Variants in ITGA3 observed in about 807,000 individuals in gnomAD.
ITGA3 encodes integrin alpha-3.
Under a neutral mutation model 131.1 loss-of-function variants are expected in ITGA3, and 70 were observed. The ratio of observed to expected loss-of-function variants is 0.53; its 90% CI spans 0.44 to 0.65. The LOEUF (loss-of-function observed/expected upper bound fraction) is 0.65. ITGA3 is among the 30% of genes least tolerant of loss of function. The pLI is 0.00. For synonymous variants in ITGA3, 537 were observed against 571.6 expected (o/e 0.94, Z 0.86); for missense variants, 1,098 against 1,388.6 (o/e 0.79, Z 3.33).
intron 22 of ITGA3, 136 bp downstream of exon 22, chr17:50,080,511 G>A: frequency 1.8e-6 from 1 of 548,138 alleles, no homozygotes. Context: ...TGTGTGATTT[G>A]CGTGTCTTTG....
chr17:50,079,687 C>G, intron 21 of ITGA3, 130 bp downstream of exon 21: 1 of 1,057,482 alleles, frequency 9.5e-7, no homozygotes, highest in Non-Finnish European at 1.3e-6. Flanking sequence ...TTGGGAGCCT[C>G]CAGACAGAGC....
At chr17:50,081,107 A>T (rs1909165947) in intron 22 of ITGA3, 1 of 553,256 alleles carries the variant, frequency 1.8e-6, no homozygotes, top group African/African-American at 1.9e-5. Context: ...CATCCAGCAC[A>T]GGACCTGACG....
Position 50,068,249 on chromosome 17 carries a change from G to C in ITGA3, c.608G>C (p.Gly203Ala). Residue 203 changes from glycine to alanine, a missense_variant, in exon 4 of 26, where the codon GGT (glycine) becomes GCT (alanine). Around this residue, in one of 3 missense-constraint regions of ITGA3, gnomAD observed 356 missense variants for 529.2 expected, o/e 0.67. Coordinates refer to ENST00000320031, the MANE Select transcript of ITGA3 (RefSeq NM_002204.4). ...ETGMCQLGTS[G>A]GFTQNTVYFG... ...GGCATGTGCCAGCTGGGCACCAGCG[G>C]TGGCTTCACCCAGAACACTGTGTAC... 1.9e-6 allele frequency: 3 copies of C among 1,613,974 alleles called. No homozygotes were observed. The highest frequency in any genetic ancestry group is 1.7e-6 in the Non-Finnish European group (2 of 1,180,038).
chr17:50,088,934 G>A (rs1567707502), intron 25 of ITGA3, among the ~76,000 whole-genome samples, 176 bp from the exon 26 acceptor site: 1 of 151,956 alleles, frequency 6.6e-6, no homozygotes, highest in South Asian at 2.1e-4. Flanking sequence ...TCTTCCTCTG[G>A]GGCCTGGGGT....
At chr17:50,057,371 T>G (rs995939258) in intron 1 of ITGA3, among the ~76,000 whole-genome samples, 1 of 152,358 alleles carries the variant, frequency 6.6e-6, no homozygotes, top group Non-Finnish European at 1.5e-5. Context: ...TTGTTTTGGT[T>G]TGAAGAGGGA....
At chr17:50,085,971 A>G (rs1254073535) in intron 23 of ITGA3, among the ~76,000 whole-genome samples, 1 of 43,776 alleles carries the variant, frequency 2.3e-5, no homozygotes, top group African/African-American at 8.8e-5. Context: ...GATTATACAT[A>G]TTATAGATTT....
At chr17:50,086,507 G>C (rs1909438675) in intron 23 of ITGA3, 1 of 150,134 alleles carries the variant, frequency 6.7e-6, no homozygotes, top group Non-Finnish European at 1.5e-5. Context: ...TGGCCAACAT[G>C]GTGAAACCCT....
At chr17:50,069,721 C>T (rs936212092) in intron 4 of ITGA3, among the ~76,000 whole-genome samples, 4 of 152,206 alleles carry the variant, frequency 2.6e-5, no homozygotes, top group African/African-American at 7.2e-5. Flanking sequence ...AAGTCATGGG[C>T]ACTTTTTCAT....
chr17:50,078,379 C>T (rs930195100), intron 18 of ITGA3, 95 bp downstream of exon 18: 3 of 995,564 alleles, frequency 3.0e-6, no homozygotes, highest in East Asian at 4.8e-5. Context: ...TCTGACCCCT[C>T]TCTTGGCCCA....
At position 50,056,707 on chromosome 17, in the gene ITGA3, C is replaced by A; in HGVS notation, c.206+62C>A. 2 of 1,506,526 alleles carry A rather than the reference C, an allele frequency of 1.3e-6. No homozygotes were observed. The highest frequency in any genetic ancestry group is 2.5e-5 in the South Asian group (2 of 80,162). 93.3% of individuals were successfully genotyped at this position (1,506,526 alleles called of 1,614,324 possible). A position where few individuals can be genotyped will look rare whatever the true frequency, so the allele number is the denominator to read the frequency against. ...GAGTGTGCGAGCGCGGGATGCGGGT[C>A]CGGAGCTGAGTCGGAGCCCAGGGCA... On this transcript the variant is annotated intron_variant, in intron 1 of 25. Transcript: ENST00000320031. The surrounding 1 kb of genome is among the most constrained non-coding windows in gnomAD (Gnocchi z 5.6).
At position 50,064,737 on chromosome 17, in the gene ITGA3, C is replaced by G; in HGVS notation, c.414+130C>G. Reference sequence around the variant, plus strand: ...TGTGCTGGGGCCTGCACACATGTCCCTTCCTGTGGCTGTGTGTCCCTCGCT... The same window carrying G: ...TGTGCTGGGGCCTGCACACATGTCCGTTCCTGTGGCTGTGTGTCCCTCGCT... On this transcript the variant is annotated intron_variant, in intron 3 of 25. Coordinates refer to ENST00000320031, the MANE Select transcript of ITGA3 (RefSeq NM_002204.4). This position sits in a 1 kb window ranked among gnomAD's most constrained non-coding sequence, Gnocchi z 4.4. 1 of 665,496 alleles carries G rather than the reference C, an allele frequency of 1.5e-6. No homozygotes were observed. The highest frequency in any genetic ancestry group is 2.8e-5 in the East Asian group (1 of 35,240). The allele number at this position is 665,496 out of a possible 1,614,324, so 41.2% of individuals were successfully genotyped here.
chr17:50,078,349 C>T, intron 18 of ITGA3, 65 bp downstream of exon 18: 1 of 1,365,532 alleles, frequency 7.3e-7, no homozygotes, highest in Non-Finnish European at 1.0e-6. Flanking sequence ...TCCCTATCCC[C>T]AAGCTATCTC....
Position 50,081,448 on chromosome 17 carries a change from G to C in ITGA3, c.2919+40G>C, listed in dbSNP as rs201461902. ...TCACTAGGACAGCAGTCTCCAGCCA[G>C]AGCTTGAGAGTACAGGGCATCTTTT... On this transcript the variant is annotated intron_variant, in intron 23 of 25. Transcript: ENST00000320031. 37 of 1,391,790 alleles carry C rather than the reference G, an allele frequency of 2.7e-5. No individual in the cohort carries two copies. In the East Asian group the frequency reaches 7.2e-4, roughly 27 times the overall value. 86.2% of individuals were successfully genotyped at this position (1,391,790 alleles called of 1,614,324 possible).
At chr17:50,080,168 G>T in intron 21 of ITGA3, 94 bp from the exon 22 acceptor site, 1 of 729,718 alleles carries the variant, frequency 1.4e-6, no homozygotes, top group South Asian at 1.9e-5. Flanking sequence ...CCAGGGGTGA[G>T]ACAAAGCCTG....
chr17:50,070,709 C>G, intron 4 of ITGA3, 135 bp from the exon 5 acceptor site: 1 of 410,008 alleles, frequency 2.4e-6, no homozygotes, highest in South Asian at 3.0e-5. Context: ...TTATAAATGG[C>G]AAAATGCTCA....
chr17:50,077,121 C>T lies in ITGA3; in HGVS notation c.2070C>T (p.Pro690=), dbSNP rs772728178. ...PPALLLSSVR[P]PGACQANETI... ...CCCTGCTGCTGTCCTCAGTGCGCCCCGTGAGTGCCCGCCGGCCGGCTCAGA... is the reference window on the plus strand; with the variant it reads ...CCCTGCTGCTGTCCTCAGTGCGCCCTGTGAGTGCCCGCCGGCCGGCTCAGA... Residue 690 remains proline, a splice_region_variant and synonymous_variant, in exon 15 of 26, where the codon CCC becomes CCT. Transcript: ENST00000320031. 27 of 1,539,898 alleles carry T rather than the reference C, an allele frequency of 1.8e-5. No individual in the cohort carries two copies. Among genetic ancestry groups the T allele is most frequent in the Middle Eastern group, 1.7e-4 (1 of 5,910 alleles).
chr17:50,071,196 A>G, intron 5 of ITGA3, 115 bp from the exon 6 acceptor site: 1 of 962,088 alleles, frequency 1.0e-6, no homozygotes, highest in Non-Finnish European at 1.6e-6. Flanking sequence ...CCTACTTGGA[A>G]TAGTGGGATA....
rs1908919602 is a variant in ITGA3, at chr17:50,076,659, G to A, written c.1900G>A (p.Glu634Lys). 6.2e-7 allele frequency: 1 copy of A among 1,613,586 alleles called. No individual in the cohort carries two copies. Among genetic ancestry groups the A allele is most frequent in the Non-Finnish European group, 8.5e-7 (1 of 1,179,900 alleles). ...NLQMRAAFVS[E>K]QQQKLSRLQY... is the part of the protein sequence containing the mutation. ...GCAGATGCGGGCAGCCTTCGTGTCA[G>A]AGCAGCAGCAGAAGCTGAGCAGGTG... is the stretch of plus-strand genomic sequence containing the variant. The change falls in exon 14 of 26, where the codon GAG becomes AAG. Residue 634 changes from glutamate (E) to lysine (K), a missense_variant. Physicochemically the swap from Glu to Lys is moderately conservative, Grantham distance 56. Transcript: ENST00000320031.
At position 50,078,247 on chromosome 17, in the gene ITGA3, C is replaced by CTGCT. The variant is rs906355220; in HGVS notation, c.2261_2264dup (p.Val756AlafsTer11). 6.2e-7 allele frequency: 1 copy of CTGCT among 1,613,936 alleles called. No homozygotes were observed. Among genetic ancestry groups the CTGCT allele is most frequent in the African/African-American group, 1.3e-5 (1 of 74,894 alleles). On this transcript the variant is annotated frameshift_variant, in exon 18 of 26. Coordinates refer to ENST00000320031, the MANE Select transcript of ITGA3 (RefSeq NM_002204.4). LOFTEE classifies it high-confidence loss of function. ...CAACCTGTGGCCCATGATCCTCACT[C>CTGCT]TGCTGGTGGACTATACACTCCAGAC...
Sources: allele counts gnomAD v4.1 joint callset (sites outside exome capture counted in the v4.1 genomes callset), GRCh38; gene constraint gnomAD v4.1.1; regional missense constraint gnomAD v4.1.1; non-coding constraint Gnocchi (gnomAD v3.1); transcripts MANE v1.5; gene names NCBI Gene and HGNC (gene_info 2026-07-23, HGNC 2026-07-21).